Variants in NCOA1 observed in about 807,000 individuals in gnomAD.
NCOA1 encodes the protein nuclear receptor coactivator 1, also known as Hin-2 protein.
A neutral mutation model predicts 150.9 loss-of-function variants in NCOA1; 35 were observed. The observed-to-expected ratio is 0.23, with a 90% CI of 0.18 to 0.31. The LOEUF (loss-of-function observed/expected upper bound fraction) is 0.31, where lower values mean the gene tolerates loss of function less well. NCOA1 is among the 10% of genes least tolerant of loss of function. The pLI is 1.00. For missense variants in NCOA1, 1,491 were observed against 1,749.3 expected, an observed-to-expected ratio of 0.85 and a Z score of 2.63; for synonymous variants, 590 against 630.0, an observed-to-expected ratio of 0.94 and a Z score of 0.95.
At chr2:24,509,519 G>A (rs545133429) in intron 1 of NCOA1, among the ~76,000 whole-genome samples, 157 of 152,320 alleles carry the variant, frequency 1.0e-3, no homozygotes, top group Non-Finnish European at 1.9e-3. Flanking sequence ...CTATAACTAA[G>A]TGACAGTGAA....
chr2:24,761,018 TTA>T (rs1179539168), intron 21 of NCOA1, among the ~76,000 whole-genome samples: 1 of 152,160 alleles, frequency 6.6e-6, no homozygotes, highest in Admixed American at 6.5e-5. Context: ...CAGCTAATTT[TTA>T]TGTTTTTAGT....
chr2:24,702,258 C>T (rs540651825), intron 11 of NCOA1, among the ~76,000 whole-genome samples: 1 of 152,236 alleles, frequency 6.6e-6, no homozygotes, highest in East Asian at 1.9e-4. Context: ...ATAGAGTTTA[C>T]TCATTGGTGA....
intron 4 of NCOA1, among the ~76,000 whole-genome samples, chr2:24,655,651 G>C (rs1017488908): frequency 1.3e-5 from 2 of 152,172 alleles, no homozygotes; most frequent in African/African-American, 4.8e-5. Flanking sequence ...GTCTGCAGAG[G>C]ATAAACTTAA....
chr2:24,715,220 A>G (rs1673963858), intron 14 of NCOA1, among the ~76,000 whole-genome samples: 1 of 152,194 alleles, frequency 6.6e-6, no homozygotes, highest in Non-Finnish European at 1.5e-5. Context: ...TAAGAGAGCC[A>G]GATAAGTAAA....
In NCOA1 at chr2:24,663,879, A is replaced by C. The variant is rs189033639; in HGVS notation, c.90-1870A>C. Among the ~76,000 whole-genome samples, 3 of 152,132 alleles carry C rather than the reference A, an allele frequency of 2.0e-5. No homozygotes were observed. The South Asian group carries it at 6.2e-4, about 32-fold the overall frequency. On this transcript the variant is annotated intron_variant, in intron 5 of 22. Transcript: ENST00000348332. Reference sequence around the variant, plus strand: ...TTCTATCACTTTTTTCTTTTCCTCTATACTGTCTTCAAGTTCTTTGGTTTT... The same window carrying C: ...TTCTATCACTTTTTTCTTTTCCTCTCTACTGTCTTCAAGTTCTTTGGTTTT...
At chr2:24,663,306 C>T (rs887445089) in intron 5 of NCOA1, among the ~76,000 whole-genome samples, 3 of 152,154 alleles carry the variant, frequency 2.0e-5, no homozygotes, top group Middle Eastern at 3.2e-3. Context: ...CTCCCTACCA[C>T]TGAGTTCATG....
intron 2 of NCOA1, among the ~76,000 whole-genome samples, chr2:24,575,781 G>C (rs1666929317): frequency 6.6e-6 from 1 of 152,052 alleles, no homozygotes. Context: ...CACTGTGTTA[G>C]CCAGGATGGT....
rs1424242537 is a variant in NCOA1 at position 24,706,650 on chromosome 2, A to G, written c.1180A>G (p.Ile394Val). ...AGTAAATCCCTCGGTCAATCCTAGT[A>G]TCTCTCCAGCTCATGGTGTGGCTCG... is the stretch of plus-strand genomic sequence containing the variant. Reference protein sequence around the residue: ...PRVNPSVNPSISPAHGVARSS... With the variant: ...PRVNPSVNPSVSPAHGVARSS... The change falls in exon 13 of 23, where the codon ATC becomes GTC. Residue 394 changes from isoleucine to valine, a missense_variant. Around this residue, in one of 8 missense-constraint regions of NCOA1, gnomAD observed 703 missense variants for 717.7 expected, o/e 0.98. Transcript: ENST00000348332. 3.1e-6 allele frequency: 5 copies of G among 1,614,094 alleles called. No individual in the cohort carries two copies. The highest frequency in any genetic ancestry group is 4.2e-6 in the Non-Finnish European group (5 of 1,180,040).
intron 3 of NCOA1, among the ~76,000 whole-genome samples, chr2:24,588,129 G>T (rs1199585236): frequency 6.6e-6 from 1 of 151,948 alleles, no homozygotes; most frequent in Non-Finnish European, 1.5e-5. Flanking sequence ...CTGTCACCCA[G>T]ACTGGAGCAC....
rs1001492901 is a variant in NCOA1 at position 24,653,120 on chromosome 2, T to C, written c.-17-5541T>C. Reference sequence around the variant, plus strand: ...CTCCCTAGCCCCAGAATCTCAGATATAGCAGTTGTGAATCTCCAGCTAGTA... The same window carrying C: ...CTCCCTAGCCCCAGAATCTCAGATACAGCAGTTGTGAATCTCCAGCTAGTA... On this transcript the variant is annotated intron_variant, in intron 4 of 22. Transcript: ENST00000348332. Among the ~76,000 whole-genome samples, 9 of 152,286 alleles carry C rather than the reference T, an allele frequency of 5.9e-5. No homozygotes were observed. The East Asian group carries it at 1.2e-3, about 20-fold the overall frequency.
chr2:24,528,009 G>A (rs1664722562), intron 1 of NCOA1, among the ~76,000 whole-genome samples: 1 of 152,022 alleles, frequency 6.6e-6, no homozygotes, highest in African/African-American at 2.4e-5. Flanking sequence ...TTTTTTAATT[G>A]AGTTATATGT....
intron 3 of NCOA1, among the ~76,000 whole-genome samples, chr2:24,634,711 C>A (rs111972788): frequency 1.3e-3 from 133 of 101,638 alleles, no homozygotes; most frequent in Non-Finnish European, 2.2e-3. Flanking sequence ...GGGAGGAACC[C>A]CCCCCCCCCC....
At chr2:24,689,335 A>G (rs1672555293) in intron 8 of NCOA1, among the ~76,000 whole-genome samples, 1 of 152,100 alleles carries the variant, frequency 6.6e-6, no homozygotes. Context: ...AATGATATTT[A>G]TTCCTCCTAT....
rs1553441455 is a variant in NCOA1 at position 24,642,341 on chromosome 2, T to TA, written c.-174-1621dup. Among the ~76,000 whole-genome samples, 114 of 148,090 alleles carry TA rather than the reference T, an allele frequency of 7.7e-4. 3 individuals carry two copies. Among genetic ancestry groups the TA allele is most frequent in the East Asian group, 2.9e-3 (15 of 5,116 alleles). On this transcript the variant is annotated intron_variant, in intron 3 of 22. Coordinates refer to ENST00000348332, the MANE Select transcript of NCOA1 (RefSeq NM_003743.5). ...TAAATATATATATATATATATTTTTTAAAATCTTTAAACATATTTATAATA... is the reference window on the plus strand; with the variant it reads ...TAAATATATATATATATATATTTTTTAAAAATCTTTAAACATATTTATAATA...
At chr2:24,718,045 C>T (rs1432093273) in intron 14 of NCOA1, among the ~76,000 whole-genome samples, 10 of 151,696 alleles carry the variant, frequency 6.6e-5, no homozygotes, top group African/African-American at 2.4e-4. Flanking sequence ...TACAGGTGTG[C>T]ACCACTATGC....
Position 24,752,166 on chromosome 2 carries a change from C to A in NCOA1, c.3881+10C>A. On this transcript the variant is annotated intron_variant, in intron 20 of 22. Transcript: ENST00000348332. ...CGATAGGAAACAACAAGTAAGGGGG[C>A]AGTTTTTATATATGAGCATCCTTGA... The A allele has an allele frequency of 1.9e-6, 3 of 1,612,432 alleles. No individual in the cohort carries two copies. Among genetic ancestry groups the A allele is most frequent in the Non-Finnish European group, 8.5e-7 (1 of 1,178,920 alleles).
chr2:24,510,567 T>C (rs565366798), intron 1 of NCOA1, among the ~76,000 whole-genome samples: 1 of 151,824 alleles, frequency 6.6e-6, no homozygotes, highest in African/African-American at 2.4e-5. Flanking sequence ...GGTTTTGAAC[T>C]CCTGGCTTCA....
At chr2:24,655,897 G>A (rs1248616948) in intron 4 of NCOA1, among the ~76,000 whole-genome samples, 1 of 151,994 alleles carries the variant, frequency 6.6e-6, no homozygotes, top group East Asian at 1.9e-4. Flanking sequence ...GACCATCCTG[G>A]CTAACATGGT....
At chr2:24,698,054 C>T (rs982550758) in intron 11 of NCOA1, among the ~76,000 whole-genome samples, 7 of 152,186 alleles carry the variant, frequency 4.6e-5, no homozygotes, top group African/African-American at 1.7e-4. Flanking sequence ...AGGCATGTAT[C>T]AAGTTCCCAA....
Sources: allele counts gnomAD v4.1 joint callset (sites outside exome capture counted in the v4.1 genomes callset), GRCh38; gene constraint gnomAD v4.1.1; regional missense constraint gnomAD v4.1.1; transcripts MANE v1.5; gene names NCBI Gene and HGNC (gene_info 2026-07-23, HGNC 2026-07-21).